ETNK2: variants seen among roughly 807,000 people sequenced by gnomAD.
ETNK2 encodes ethanolamine kinase 2.
A neutral mutation model predicts 46.2 loss-of-function variants in ETNK2; 33 were observed. The observed-to-expected ratio is 0.71, with a 90% CI of 0.54 to 0.96. The LOEUF (loss-of-function observed/expected upper bound fraction) is 0.96. Ranked by LOEUF, ETNK2 falls within the 40% of genes least tolerant of loss-of-function variation. ETNK2 has a pLI of 0.00. For missense variants in ETNK2, 445 were observed against 509.7 expected, an observed-to-expected ratio of 0.87 and a Z score of 1.22; for synonymous variants, 194 against 209.0, an observed-to-expected ratio of 0.93 and a Z score of 0.62.
intron 1 of ETNK2, among the ~76,000 whole-genome samples, chr1:204,150,301 C>T (rs577165400): frequency 3.9e-4 from 59 of 152,250 alleles, no homozygotes; most frequent in African/African-American, 7.0e-4. Flanking sequence ...CACCCCAGTA[C>T]GGAAAGAAAC....
At chr1:204,144,793 C>G (rs1338510150) in intron 3 of ETNK2, among the ~76,000 whole-genome samples, 3 of 152,132 alleles carry the variant, frequency 2.0e-5, no homozygotes, top group African/African-American at 7.2e-5. Flanking sequence ...AGGAGCAAAC[C>G]CTGCTCCAGC....
intron 4 of ETNK2, chr1:204,140,972 C>G: frequency 2.7e-6 from 1 of 370,614 alleles, no homozygotes; most frequent in South Asian, 2.1e-5. Context: ...ATAGCATGTA[C>G]CACCATACCA....
chr1:204,151,504 T>C lies in ETNK2; in HGVS notation c.258+91A>G. 1 of 1,512,478 alleles carries C rather than the reference T, an allele frequency of 6.6e-7. No individual in the cohort carries two copies. The highest frequency in any genetic ancestry group is 1.2e-5 in the South Asian group (1 of 81,346). The allele number at this position is 1,512,478 out of a possible 1,614,324, so 93.7% of individuals were successfully genotyped here. ...CGCAGCAGCCGCGCACCCCTGGGACTGACACCCGGAAGGATGCGAGGACTG... is the reference window on the plus strand; with the variant it reads ...CGCAGCAGCCGCGCACCCCTGGGACCGACACCCGGAAGGATGCGAGGACTG... On this transcript the variant is annotated intron_variant, in intron 1 of 7. Transcript: ENST00000367202. The surrounding 1 kb of genome is among the most constrained non-coding windows in gnomAD (Gnocchi z 8.0).
rs1558237503 is a variant in ETNK2 at position 204,146,728 on chromosome 1, G to A, written c.555C>T (p.Ile185=). 3 of 1,614,044 alleles carry A rather than the reference G, an allele frequency of 1.9e-6. No individual in the cohort carries two copies. Among genetic ancestry groups the A allele is most frequent in the Non-Finnish European group, 2.5e-6 (3 of 1,179,888 alleles). Reference sequence around the variant, plus strand: ...GCTTGGGCAGGCTGCCGTTGGCGTGGATAGTATGAATCTTTGCCATTTCTA... The same window carrying A: ...GCTTGGGCAGGCTGCCGTTGGCGTGAATAGTATGAATCTTTGCCATTTCTA... ...IALEMAKIHT[I]HANGSLPKPI... is the part of the protein sequence containing the mutation. Residue 185 remains isoleucine, a synonymous_variant, in exon 3 of 8, where the codon ATC becomes ATT. Coordinates refer to ENST00000367202, the MANE Select transcript of ETNK2 (RefSeq NM_018208.4).
At chr1:204,138,443 T>C (rs1657371828) in intron 5 of ETNK2, among the ~76,000 whole-genome samples, 1 of 152,184 alleles carries the variant, frequency 6.6e-6, no homozygotes. Flanking sequence ...TTATCCCTTG[T>C]GGAAAGGCCA....
Position 204,137,238 on chromosome 1 carries a change from C to T in ETNK2, c.880G>A (p.Val294Met). 6.2e-7 allele frequency: 1 copy of T among 1,613,762 alleles called. No homozygotes were observed. Among genetic ancestry groups the T allele is most frequent in the Non-Finnish European group, 8.5e-7 (1 of 1,179,772 alleles). The change falls in exon 6 of 8, where the codon GTG becomes ATG. Residue 294 changes from valine to methionine, a missense_variant. Coordinates refer to ENST00000367202, the MANE Select transcript of ETNK2 (RefSeq NM_018208.4). ...CGCGCCGGGTACAGGCAGTAATCCA[C>T]CTCATTCACGCCTGAGGGGGAGGCA... is the stretch of plus-strand genomic sequence containing the variant. ...HFNEFAGVNE[V>M]DYCLYPARET...
chr1:204,145,418 C>T (rs1325054540), intron 3 of ETNK2, among the ~76,000 whole-genome samples: 4 of 152,234 alleles, frequency 2.6e-5, no homozygotes, highest in Admixed American at 2.6e-4. Context: ...CCTCCCTGGG[C>T]CTCGGTTTTC....
intron 6 of ETNK2, among the ~76,000 whole-genome samples, chr1:204,136,577 T>G (rs1281791835): frequency 6.6e-6 from 1 of 151,046 alleles, no homozygotes; most frequent in Non-Finnish European, 1.5e-5. Context: ...TTGGGTGTGG[T>G]GGTACATGTC....
Position 204,151,294 on chromosome 1 carries a change from A to C in ETNK2, c.258+301T>G. 1.9e-6 allele frequency: 1 copy of C among 514,758 alleles called. No homozygotes were observed. The highest frequency in any genetic ancestry group is 3.4e-6 in the Non-Finnish European group (1 of 292,162). The allele number at this position is 514,758 out of a possible 1,614,324, so 31.9% of individuals were successfully genotyped here. A position where few individuals can be genotyped will look rare whatever the true frequency, so the allele number is the denominator to read the frequency against. On this transcript the variant is annotated intron_variant, in intron 1 of 7. Transcript: ENST00000367202. The surrounding 1 kb of genome is among the most constrained non-coding windows in gnomAD (Gnocchi z 8.0). ...TACGCGCTTCTGGTCAGCGAGGGGC[A>C]CCAGCACGCAGCGACAGGGGGTGCG...
In ETNK2 at chr1:204,151,571, T is replaced by C. The variant is rs1272165227; in HGVS notation, c.258+24A>G. The C allele has an allele frequency of 6.5e-7, 1 of 1,548,286 alleles. No individual in the cohort carries two copies. The highest frequency in any genetic ancestry group is 8.7e-7 in the Non-Finnish European group (1 of 1,145,986). ...TGGCAGCCCTGGCAGGACCCCATCC[T>C]CGGCCCCGCGCCCACTCCGCTACCT... is the stretch of plus-strand genomic sequence containing the variant. On this transcript the variant is annotated intron_variant, in intron 1 of 7. Transcript: ENST00000367202. The surrounding 1 kb of genome is among the most constrained non-coding windows in gnomAD (Gnocchi z 8.0).
In ETNK2 at chr1:204,151,821, C is replaced by A. The variant is rs1388672684; in HGVS notation, c.32G>T (p.Arg11Leu). The change falls in exon 1 of 8, where the codon CGC becomes CTC. Residue 11 changes from arginine (R) to leucine (L), a missense_variant. Coordinates refer to ENST00000367202, the MANE Select transcript of ETNK2 (RefSeq NM_018208.4). The surrounding 1 kb of genome is among the most constrained non-coding windows in gnomAD (Gnocchi z 8.0). The part of the protein sequence containing the change: MAVPPSAPQP[R>L]ASFHLRRHTP... Reference sequence around the variant, plus strand: ...GTGCCTCCTCAGGTGAAAGGACGCGCGCGGCTGAGGGGCCGAAGGGGGCAC... The same window carrying A: ...GTGCCTCCTCAGGTGAAAGGACGCGAGCGGCTGAGGGGCCGAAGGGGGCAC... 6.1e-6 allele frequency: 9 copies of A among 1,478,282 alleles called. No homozygotes were observed. The African/African-American group carries it at 1.0e-4, about 17-fold the overall frequency. The allele number at this position is 1,478,282 out of a possible 1,614,324, so 91.6% of individuals were successfully genotyped here.
At chr1:204,147,838 A>G (rs1016457738) in intron 2 of ETNK2, among the ~76,000 whole-genome samples, 1 of 152,032 alleles carries the variant, frequency 6.6e-6, no homozygotes, top group Non-Finnish European at 1.5e-5. Flanking sequence ...CGTGGCAGCA[A>G]CCTCCTGGGT....
chr1:204,150,410 T>C (rs1274334463), intron 1 of ETNK2: 2 of 205,130 alleles, frequency 9.7e-6, no homozygotes, highest in East Asian at 2.4e-4. Context: ...TGTGCTCTGC[T>C]CTACCCCTTG....
At chr1:204,139,279 G>A (rs753135581) in intron 5 of ETNK2, among the ~76,000 whole-genome samples, 9 of 152,178 alleles carry the variant, frequency 5.9e-5, no homozygotes, top group South Asian at 2.1e-4. Flanking sequence ...GTACAATTGC[G>A]CCAGTTGTAC....
chr1:204,133,542 T>A (rs1036063152), intron 7 of ETNK2, among the ~76,000 whole-genome samples: 57 of 150,914 alleles, frequency 3.8e-4, no homozygotes, highest in Middle Eastern at 3.4e-3. Flanking sequence ...TTATTTTTTT[T>A]TTTTTTTGAG....
At chr1:204,149,997 G>A in intron 1 of ETNK2, 35 bp from the exon 2 acceptor site, 4 of 434,190 alleles carry the variant, frequency 9.2e-6, no homozygotes, top group African/African-American at 2.1e-5. Flanking sequence ...TGGGTGGGTG[G>A]GTGGGGCAGG....
intron 3 of ETNK2, chr1:204,141,782 G>C (rs1657553273): frequency 3.3e-6 from 1 of 305,118 alleles, no homozygotes; most frequent in Admixed American, 4.6e-5. Context: ...CACAGGGAAA[G>C]GACAAGGCAG....
intron 5 of ETNK2, among the ~76,000 whole-genome samples, chr1:204,137,850 T>C (rs957736222): frequency 1.3e-5 from 2 of 152,116 alleles, no homozygotes; most frequent in African/African-American, 2.4e-5. Flanking sequence ...TGGGAACCCA[T>C]GGATCAGATG....
intron 3 of ETNK2, among the ~76,000 whole-genome samples, chr1:204,143,633 AG>A (rs750626210): frequency 1.8e-4 from 27 of 152,170 alleles, no homozygotes; most frequent in Non-Finnish European, 3.7e-4. Context: ...AGGGGAAGGA[AG>A]GGGCTGGAGG....
Sources: allele counts gnomAD v4.1 joint callset (sites outside exome capture counted in the v4.1 genomes callset), GRCh38; gene constraint gnomAD v4.1.1; non-coding constraint Gnocchi (gnomAD v3.1); transcripts MANE v1.5; gene names NCBI Gene and HGNC (gene_info 2026-07-23, HGNC 2026-07-21).